Variants in DMD observed in about 807,000 individuals in gnomAD.
The protein encoded by DMD is dystrophin.
DMD carries 63 observed loss-of-function variants against 330.1 expected under a neutral mutation model. The ratio of observed to expected loss-of-function variants is 0.19; its 90% CI spans 0.16 to 0.24. The LOEUF is 0.24. DMD is among the 10% of genes least tolerant of loss of function. The pLI is 1.00. For missense variants in DMD, 3,344 were observed against 2,684.1 expected (o/e 1.25, Z -5.43); for synonymous variants, 1,223 against 959.8 (o/e 1.27, Z -5.07).
At chrX:31,849,072 T>A (rs1947606) in intron 48 of DMD, among the ~76,000 whole-genome samples, 1 of 109,757 alleles carries the variant, frequency 9.1e-6, no homozygotes, top group African/African-American at 3.3e-5. Context: ...TCTTCCTTGT[T>A]TTCCTTTCTT....
intron 44 of DMD, among the ~76,000 whole-genome samples, chrX:32,044,424 ATTT>A (rs1396818364): frequency 3.1e-5 from 3 of 97,455 alleles, no homozygotes; most frequent in Non-Finnish European, 6.4e-5. Flanking sequence ...TTATTTATTT[ATTT>A]AATTTTTTTT....
intron 60 of DMD, among the ~76,000 whole-genome samples, chrX:31,431,326 G>A (rs1303446338): frequency 2.7e-5 from 3 of 111,892 alleles, no homozygotes; most frequent in Non-Finnish European, 3.8e-5. Flanking sequence ...GGAATCTGAA[G>A]TTCATGACTA....
intron 44 of DMD, among the ~76,000 whole-genome samples, chrX:32,147,655 G>T (rs961683672): frequency 9.0e-6 from 1 of 111,087 alleles, no homozygotes; most frequent in African/African-American, 3.3e-5. Flanking sequence ...TTGTGTATGT[G>T]TGTATTTTTG....
intron 9 of DMD, among the ~76,000 whole-genome samples, chrX:32,654,886 T>G (rs187526082): frequency 8.9e-6 from 1 of 111,964 alleles, no homozygotes; most frequent in Non-Finnish European, 1.9e-5. Flanking sequence ...GGAGGGTGTA[T>G]GTGTCCACGA....
intron 51 of DMD, among the ~76,000 whole-genome samples, chrX:31,757,418 T>A (rs940128074): frequency 8.9e-6 from 1 of 112,141 alleles, no homozygotes; most frequent in African/African-American, 3.2e-5. Flanking sequence ...GTGCTGCTGG[T>A]AGACAGCCTT....
intron 43 of DMD, among the ~76,000 whole-genome samples, chrX:32,252,669 T>A (rs1366780406): frequency 3.9e-5 from 2 of 51,196 alleles, no homozygotes; most frequent in African/African-American, 1.1e-4. Flanking sequence ...TATAAATATA[T>A]ATATATAAAT....
intron 1 of DMD, among the ~76,000 whole-genome samples, chrX:33,312,151 A>C (rs2053859306): frequency 9.0e-6 from 1 of 111,311 alleles, no homozygotes; most frequent in Non-Finnish European, 1.9e-5. Flanking sequence ...AGGAATAAAA[A>C]AGTAAAAGGA....
At chrX:31,499,228 G>A (rs934351091) in intron 56 of DMD, among the ~76,000 whole-genome samples, 1 of 111,634 alleles carries the variant, frequency 9.0e-6, no homozygotes, top group African/African-American at 3.3e-5. Flanking sequence ...AGGGAAGAGA[G>A]AATATAACGA....
intron 51 of DMD, among the ~76,000 whole-genome samples, chrX:31,773,360 G>A (rs757674848): frequency 9.3e-4 from 104 of 112,089 alleles, no homozygotes; most frequent in Non-Finnish European, 1.7e-3. Flanking sequence ...GCTGAAAAAT[G>A]CACTATTTGT....
intron 1 of DMD, among the ~76,000 whole-genome samples, chrX:33,105,781 T>C (rs1446142715): frequency 9.0e-6 from 1 of 111,651 alleles, no homozygotes; most frequent in East Asian, 2.8e-4. Context: ...CAATAAACGT[T>C]GGCATGGACA....
intron 29 of DMD, among the ~76,000 whole-genome samples, chrX:32,427,757 G>C (rs1367483638): frequency 1.8e-5 from 2 of 111,050 alleles, no homozygotes; most frequent in South Asian, 7.5e-4. Flanking sequence ...AATAATTTCA[G>C]TCTAATATAG....
At chrX:31,971,501 TG>T (rs1384875424) in intron 44 of DMD, among the ~76,000 whole-genome samples, 3 of 111,575 alleles carry the variant, frequency 2.7e-5, no homozygotes, top group Non-Finnish European at 5.7e-5. Flanking sequence ...TTTTTAATTT[TG>T]TGAAAGAAGA....
intron 2 of DMD, among the ~76,000 whole-genome samples, chrX:32,867,874 A>G (rs1349967025): frequency 9.0e-6 from 1 of 111,528 alleles, no homozygotes; most frequent in African/African-American, 3.3e-5. Flanking sequence ...AGACTGTAAT[A>G]TCCAATATGG....
chrX:32,749,797 A>G (rs909609972), intron 7 of DMD, among the ~76,000 whole-genome samples: 3 of 112,520 alleles, frequency 2.7e-5, no homozygotes, highest in Non-Finnish European at 5.6e-5. Flanking sequence ...CAACAAAAAA[A>G]TGACACACAA....
chrX:32,671,677 G>C (rs1036689374), intron 9 of DMD, among the ~76,000 whole-genome samples: 4 of 111,757 alleles, frequency 3.6e-5, no homozygotes, highest in African/African-American at 1.3e-4. Context: ...CCCTATTCTT[G>C]TCCTTTACAA....
chrX:32,694,481 G>A (rs1202516105), intron 9 of DMD, among the ~76,000 whole-genome samples: 1 of 111,229 alleles, frequency 9.0e-6, no homozygotes, highest in Admixed American at 9.6e-5. Context: ...GAAACCTCAC[G>A]GTAATCCTTG....
chrX:32,841,633 G>A (rs1158656253), intron 4 of DMD, among the ~76,000 whole-genome samples: 1 of 111,735 alleles, frequency 8.9e-6, no homozygotes, highest in Non-Finnish European at 1.9e-5. Context: ...GTGTTAATTA[G>A]ACTTCAAATA....
intron 44 of DMD, among the ~76,000 whole-genome samples, chrX:32,204,984 C>A (rs2097057932): frequency 2.2e-5 from 1 of 44,944 alleles, no homozygotes; most frequent in East Asian, 5.6e-4. Flanking sequence ...CCATCTCTCT[C>A]TCTCTCTCTC....
At chrX:31,643,807 C>T (rs1437619136) in intron 54 of DMD, among the ~76,000 whole-genome samples, 2 of 111,634 alleles carry the variant, frequency 1.8e-5, no homozygotes, top group African/African-American at 6.5e-5. Flanking sequence ...AATATTATGC[C>T]TTTTCTCAGA....
Sources: gnomAD v4.1 joint callset for allele counts (sites outside exome capture counted in the v4.1 genomes callset) on GRCh38, gnomAD v4.1.1 for gene constraint, MANE v1.5 for transcripts, NCBI Gene and HGNC (gene_info 2026-07-23, HGNC 2026-07-21) for gene names.